Variants in TPD52 observed in about 807,000 individuals in gnomAD.
TPD52 encodes the protein prostate and colon associated protein.
Under a neutral mutation model 31.3 loss-of-function variants are expected in TPD52, and 17 were observed. The observed-to-expected ratio is 0.54, with a 90% confidence interval of 0.37 to 0.82. The LOEUF (loss-of-function observed/expected upper bound fraction) is 0.82. TPD52 is among the 40% of genes least tolerant of loss of function. TPD52 has a pLI of 0.00. For synonymous variants in TPD52, 83 were observed against 89.6 expected, an observed-to-expected ratio of 0.93 and a Z score of 0.42; for missense variants, 212 against 240.1, an observed-to-expected ratio of 0.88 and a Z score of 0.77.
rs1379384579 is a variant in TPD52 at position 80,035,655 on chromosome 8, A to T, written c.*2461T>A. 6.6e-6 allele frequency: 1 copy of T among 152,122 alleles called. No individual in the cohort carries two copies. Among genetic ancestry groups the T allele is most frequent in the Admixed American group, 6.5e-5 (1 of 15,280 alleles). The allele number at this position is 152,122 out of a possible 1,614,324, so 9.4% of individuals were successfully genotyped here. On this transcript the variant is annotated 3_prime_UTR_variant, in exon 8 of 8. Transcript: ENST00000518937. ...AGGTGATAATCCAGTTTTGAGCTCTACTCTCTTCCACTGACTACTTGGCTC... is the reference window on the plus strand; with the variant it reads ...AGGTGATAATCCAGTTTTGAGCTCTTCTCTCTTCCACTGACTACTTGGCTC...
At chr8:80,119,722 C>T in intron 1 of TPD52, 1 of 187,940 alleles carries the variant, frequency 5.3e-6, no homozygotes, top group Non-Finnish European at 1.1e-5. Context: ...TTTAAAACCA[C>T]ACAGTACTGG....
At chr8:80,069,543 C>T (rs1210776989) in intron 1 of TPD52, among the ~76,000 whole-genome samples, 1 of 152,014 alleles carries the variant, frequency 6.6e-6, no homozygotes, top group Non-Finnish European at 1.5e-5. Flanking sequence ...GTAATCCCAG[C>T]ACTTTGGGAG....
At chr8:80,157,569 C>A (rs555530465) in intron 1 of TPD52, among the ~76,000 whole-genome samples, 4 of 152,110 alleles carry the variant, frequency 2.6e-5, no homozygotes, top group Admixed American at 6.6e-5. Flanking sequence ...AAAACCCGAG[C>A]GAGAATAGTT....
At chr8:80,075,327 T>C (rs1169657829) in intron 1 of TPD52, among the ~76,000 whole-genome samples, 2 of 152,142 alleles carry the variant, frequency 1.3e-5, no homozygotes, top group Non-Finnish European at 2.9e-5. Context: ...GGGGAGGGGC[T>C]GCACTAAGAC....
chr8:80,116,430 A>G (rs1475408417), intron 1 of TPD52, among the ~76,000 whole-genome samples: 2 of 152,196 alleles, frequency 1.3e-5, no homozygotes, highest in African/African-American at 4.8e-5. Context: ...ATTCCTAGAA[A>G]GACACAAAAT....
chr8:80,095,523 T>C (rs931885737), intron 1 of TPD52, among the ~76,000 whole-genome samples: 13 of 152,214 alleles, frequency 8.5e-5, no homozygotes, highest in Admixed American at 4.6e-4. Flanking sequence ...TTAATAATAA[T>C]GTCTCAGCAT....
intron 1 of TPD52, among the ~76,000 whole-genome samples, chr8:80,144,518 T>C (rs1289421322): frequency 2.6e-5 from 4 of 152,208 alleles, no homozygotes; most frequent in Non-Finnish European, 5.9e-5. Context: ...TGCCTCTCCA[T>C]AGCAACTGCA....
At chr8:80,123,137 G>A (rs1173068224) in intron 1 of TPD52, 2 of 152,394 alleles carry the variant, frequency 1.3e-5, no homozygotes, top group African/African-American at 4.8e-5. Context: ...ATAAGGTAGA[G>A]AGGTGACAGT....
intron 1 of TPD52, among the ~76,000 whole-genome samples, chr8:80,145,902 A>G (rs137896885): frequency 6.6e-6 from 1 of 152,194 alleles, no homozygotes; most frequent in Non-Finnish European, 1.5e-5. Flanking sequence ...TAAAAATCTC[A>G]TATCTATAAA....
At chr8:80,065,285 A>C (rs1479038920) in intron 1 of TPD52, among the ~76,000 whole-genome samples, 43 of 114,588 alleles carry the variant, frequency 3.8e-4, no homozygotes, top group Middle Eastern at 5.6e-3. Flanking sequence ...CTATATCTAT[A>C]TATCTATATC....
At chr8:80,144,757 C>T (rs1810077303) in intron 1 of TPD52, among the ~76,000 whole-genome samples, 1 of 152,138 alleles carries the variant, frequency 6.6e-6, no homozygotes, top group African/African-American at 2.4e-5. Context: ...TGGACTGTCT[C>T]CTTGACATGG....
intron 1 of TPD52, among the ~76,000 whole-genome samples, chr8:80,110,757 A>G (rs1272634189): frequency 6.6e-6 from 1 of 152,116 alleles, no homozygotes; most frequent in East Asian, 1.9e-4. Context: ...CTACCAACTA[A>G]TCTCTAACTA....
chr8:80,106,153 G>A (rs1305737836), intron 1 of TPD52, among the ~76,000 whole-genome samples: 1 of 151,984 alleles, frequency 6.6e-6, no homozygotes, highest in Non-Finnish European at 1.5e-5. Context: ...TGGGGTACAT[G>A]AGATGTTTTG....
At chr8:80,107,259 C>A (rs1460646356) in intron 1 of TPD52, among the ~76,000 whole-genome samples, 1 of 152,176 alleles carries the variant, frequency 6.6e-6, no homozygotes, top group Admixed American at 6.5e-5. Flanking sequence ...CCCACTTGGA[C>A]CTTTTGTTTT....
At chr8:80,041,818 G>C (rs1810411182) in intron 7 of TPD52, among the ~76,000 whole-genome samples, 1 of 152,118 alleles carries the variant, frequency 6.6e-6, no homozygotes, top group Non-Finnish European at 1.5e-5. Context: ...GGCCAGGCAT[G>C]GTGGCTCACA....
At chr8:80,166,829 C>T (rs1269106094) in intron 1 of TPD52, among the ~76,000 whole-genome samples, 1 of 151,942 alleles carries the variant, frequency 6.6e-6, no homozygotes, top group African/African-American at 2.4e-5. Flanking sequence ...TTGCTTGAAC[C>T]CAGGAGGCAG....
At chr8:80,075,229 G>A (rs1184732659) in intron 1 of TPD52, among the ~76,000 whole-genome samples, 6 of 152,014 alleles carry the variant, frequency 3.9e-5, no homozygotes, top group African/African-American at 1.2e-4. Flanking sequence ...CGCCTGCCTC[G>A]GCCTCCCAAA....
intron 1 of TPD52, among the ~76,000 whole-genome samples, chr8:80,147,564 A>C (rs1810281444): frequency 6.6e-6 from 1 of 152,160 alleles, no homozygotes; most frequent in South Asian, 2.1e-4. Flanking sequence ...AAGCTAAACT[A>C]TTTGCATAGT....
chr8:80,034,277 A>G (rs76006874), downstream of TPD52, among the ~76,000 whole-genome samples: 961 of 152,144 alleles, frequency 6.3e-3, 15 homozygotes, highest in East Asian at 0.055. Context: ...CCGAGAGCAC[A>G]CAGATGCCTG....
Sources: allele counts gnomAD v4.1 joint callset (sites outside exome capture counted in the v4.1 genomes callset), GRCh38; gene constraint gnomAD v4.1.1; transcripts MANE v1.5; gene names NCBI Gene and HGNC (gene_info 2026-07-23, HGNC 2026-07-21).